The following LGALS12 variants were observed in gnomAD, a reference collection of about 807,000 sequenced individuals.
LGALS12 encodes galectin-12.
In LGALS12, 36 loss-of-function variants were observed where a neutral mutation model predicts 36.8. The ratio of observed to expected loss-of-function variants is 0.98; its 90% confidence interval spans 0.75 to 1.29. The LOEUF is 1.29. Among genes scored for constraint, LGALS12 ranks in the 50% most tolerant of loss-of-function variants. LGALS12 has a pLI of 0.00. For synonymous variants in LGALS12, 145 were observed against 155.9 expected, an observed-to-expected ratio of 0.93 and a Z score of 0.52; for missense variants, 366 against 394.3, an observed-to-expected ratio of 0.93 and a Z score of 0.61.
chr11:63,512,424 C>T (rs931508329), intron 7 of LGALS12, among the ~76,000 whole-genome samples: 1 of 152,208 alleles, frequency 6.6e-6, no homozygotes, highest in African/African-American at 2.4e-5. Flanking sequence ...TTGGCATGTG[C>T]TCAGGACACC....
At chr11:63,510,842 G>A (rs193206834) in intron 5 of LGALS12, among the ~76,000 whole-genome samples, 1 of 152,336 alleles carries the variant, frequency 6.6e-6, no homozygotes, top group Non-Finnish European at 1.5e-5. Flanking sequence ...TGAGGCCCAT[G>A]TACTGCCCAA....
intron 2 of LGALS12, 26 bp from the exon 3 acceptor site, chr11:63,508,752 A>G (rs2016821950): frequency 6.2e-7 from 1 of 1,613,834 alleles, no homozygotes; most frequent in Admixed American, 1.7e-5. Context: ...TCAGAACCGC[A>G]CTTTGAGAGC....
At chr11:63,512,666 G>A (rs766288367) in intron 7 of LGALS12, among the ~76,000 whole-genome samples, 2 of 151,908 alleles carry the variant, frequency 1.3e-5, no homozygotes, top group Non-Finnish European at 2.9e-5. Flanking sequence ...GCGCATGCCT[G>A]TAATCCCAGC....
intron 7 of LGALS12, 88 bp from the exon 8 acceptor site, chr11:63,515,475 C>T: frequency 6.6e-7 from 1 of 1,507,016 alleles, no homozygotes; most frequent in Non-Finnish European, 9.0e-7. Context: ...TCCATCCACT[C>T]CCTGACCTCC....
intron 3 of LGALS12, 143 bp downstream of exon 3, chr11:63,509,134 G>T: frequency 2.8e-6 from 2 of 706,078 alleles, no homozygotes; most frequent in South Asian, 3.7e-5. Flanking sequence ...GCCATGCCCG[G>T]TTCCAGGCTG....
intron 7 of LGALS12, 73 bp downstream of exon 7, chr11:63,511,913 C>T (rs1355657673): frequency 2.1e-6 from 2 of 944,258 alleles, no homozygotes; most frequent in African/African-American, 1.6e-5. Flanking sequence ...AAAACATCAT[C>T]TCTTTTAATC....
rs370902133 is a variant in LGALS12 at position 63,515,553 on chromosome 11, C to A, written c.648-10C>A. 6.2e-7 allele frequency: 1 copy of A among 1,613,620 alleles called. No homozygotes were observed. The highest frequency in any genetic ancestry group is 1.3e-5 in the African/African-American group (1 of 74,932). On this transcript the variant is annotated splice_polypyrimidine_tract_variant and intron_variant, in intron 7 of 8. Transcript: ENST00000394618. ...CGCTGATTCCTTCTCCTTCCTCCTG[C>A]TTCCTGCAGTTTTACTGTGAGCCTG...
Position 63,506,228 on chromosome 11 carries a change from C to T in LGALS12, c.-231C>T. On this transcript the variant is annotated 5_prime_UTR_variant, in exon 1 of 9. Transcript: ENST00000394618. ...AGTTCTGCTGACAGCCCCCGCCCAG[C>T]CAGAGCTCTGCTGTATACCACCGGG... is the stretch of plus-strand genomic sequence containing the variant. 1 of 700,544 alleles carries T rather than the reference C, an allele frequency of 1.4e-6. No homozygotes were observed. Among genetic ancestry groups the T allele is most frequent in the Non-Finnish European group, 2.3e-6 (1 of 429,434 alleles). The allele number at this position is 700,544 out of a possible 1,614,324, so 43.4% of individuals were successfully genotyped here.
rs1236612338 is a variant in LGALS12, at chr11:63,509,072, A to G, written c.372+81A>G. 3.6e-6 allele frequency: 4 copies of G among 1,126,066 alleles called. No homozygotes were observed. In the African/African-American group the frequency reaches 6.2e-5, roughly 17 times the overall value. 69.8% of individuals were successfully genotyped at this position (1,126,066 alleles called of 1,614,324 possible). On this transcript the variant is annotated intron_variant, in intron 3 of 8. Transcript: ENST00000394618. ...TTCCCTCAGCCAGACTCCCCACGAC[A>G]CAATGTTGAGTGGCATTGGTAGTGG...
intron 1 of LGALS12, among the ~76,000 whole-genome samples, chr11:63,506,928 T>G (rs536508251): frequency 1.3e-5 from 2 of 151,792 alleles, no homozygotes; most frequent in South Asian, 4.2e-4. Context: ...GGGTTGGGGG[T>G]GTTTCTCTCT....
chr11:63,515,722 G>A lies in LGALS12; in HGVS notation c.798+9G>A. Reference sequence around the variant, plus strand: ...CCCAGAGATTCTTTGAGGTAGGTCAGAGCCAAATGATTACATCCCTTCAGG... The same window carrying A: ...CCCAGAGATTCTTTGAGGTAGGTCAAAGCCAAATGATTACATCCCTTCAGG... On this transcript the variant is annotated intron_variant, in intron 8 of 8. Transcript: ENST00000394618. 6.2e-7 allele frequency: 1 copy of A among 1,613,452 alleles called. No homozygotes were observed. Among genetic ancestry groups the A allele is most frequent in the Non-Finnish European group, 8.5e-7 (1 of 1,179,708 alleles).
chr11:63,515,859 T>C, intron 8 of LGALS12, 146 bp downstream of exon 8: 1 of 822,970 alleles, frequency 1.2e-6, no homozygotes, highest in South Asian at 1.8e-5. Flanking sequence ...CGAATGTCTG[T>C]ACAGCAGTCC....
At chr11:63,514,343 G>A (rs1207423278) in intron 7 of LGALS12, among the ~76,000 whole-genome samples, 4 of 152,166 alleles carry the variant, frequency 2.6e-5, no homozygotes, top group South Asian at 2.1e-4. Flanking sequence ...AGGCCAAGGT[G>A]GGCAGATCAC....
At position 63,506,652 on chromosome 11, in the gene LGALS12, T is replaced by G. The variant is rs887619615; in HGVS notation, c.69+125T>G. The G allele has an allele frequency of 1.0e-5, 13 of 1,275,812 alleles. No homozygotes were observed. The East Asian group carries it at 2.8e-4, about 27-fold the overall frequency. 79.0% of individuals were successfully genotyped at this position (1,275,812 alleles called of 1,614,324 possible). A position where few individuals can be genotyped will look rare whatever the true frequency, so the allele number is the denominator to read the frequency against. On this transcript the variant is annotated intron_variant, in intron 1 of 8. Coordinates refer to ENST00000394618, the MANE Select transcript of LGALS12 (RefSeq NM_033101.4). ...TTTCTGCTTCTCCCAGCACCTGCCC[T>G]GGGTTCTGGAAGGCCCTCCTGAGCT...
chr11:63,515,834 G>A, intron 8 of LGALS12, 121 bp downstream of exon 8: 1 of 1,011,460 alleles, frequency 9.9e-7, no homozygotes, highest in Non-Finnish European at 1.4e-6. Context: ...GGAGGCCAGA[G>A]CCAGCAGAGC....
intron 5 of LGALS12, 90 bp downstream of exon 5, chr11:63,510,591 C>A: frequency 8.0e-7 from 1 of 1,252,762 alleles, no homozygotes; most frequent in South Asian, 1.2e-5. Context: ...CCCAGCTGCC[C>A]CTTCCCTCAC....
chr11:63,508,114 G>A, intron 1 of LGALS12: 1 of 1,030,526 alleles, frequency 9.7e-7, no homozygotes. Context: ...CCATTTCAGA[G>A]TTAGCTGTCA....
chr11:63,509,889 A>C lies in LGALS12; in HGVS notation c.484A>C (p.Asn162His), dbSNP rs754166605. 5 of 1,613,974 alleles carry C rather than the reference A, an allele frequency of 3.1e-6. No homozygotes were observed. The highest frequency in any genetic ancestry group is 3.4e-6 in the Non-Finnish European group (4 of 1,179,960). The change falls in exon 4 of 9, where the codon AAC becomes CAC. Residue 162 changes from asparagine (N) to histidine (H), a missense_variant. Coordinates refer to ENST00000394618, the MANE Select transcript of LGALS12 (RefSeq NM_033101.4). ...DILVEAVGFLNINPFVEGSRE... is the reference protein window; with the variant it reads ...DILVEAVGFLHINPFVEGSRE... ...CCTGGTAGAGGCTGTTGGATTCCTG[A>C]ACATCAATGTAAGTTTCCTTGGGAC...
rs199651100 is a variant in LGALS12 at position 63,511,841 on chromosome 11, G to A, written c.647+1G>A. 265 of 1,605,680 alleles carry A rather than the reference G, an allele frequency of 1.7e-4. No homozygotes were observed. Among genetic ancestry groups the A allele is most frequent in the Non-Finnish European group, 2.1e-4 (244 of 1,172,764 alleles). On this transcript the variant is annotated splice_donor_variant, in intron 7 of 8. Transcript: ENST00000394618. LOFTEE classifies it high-confidence loss of function. ...GACTGGTCTTGCAAGAGCCGAAGCA[G>A]TAAGTATCCAGCATCTAAGTGGAGG...
Sources: gnomAD v4.1 joint callset for allele counts (sites outside exome capture counted in the v4.1 genomes callset) on GRCh38, gnomAD v4.1.1 for gene constraint, MANE v1.5 for transcripts, NCBI Gene and HGNC (gene_info 2026-07-23, HGNC 2026-07-21) for gene names.